The following ARHGAP15 variants were observed in gnomAD, a reference collection of about 807,000 sequenced individuals.
The protein encoded by ARHGAP15 is rho GTPase-activating protein 15.
Under a neutral mutation model 63.7 loss-of-function variants are expected in ARHGAP15, and 51 were observed. That is an observed-to-expected ratio of 0.80 (90% CI 0.64 to 1.01). The LOEUF (loss-of-function observed/expected upper bound fraction) is 1.01, where lower values mean the gene tolerates loss of function less well. Ranked by LOEUF, ARHGAP15 falls within the 50% of genes least tolerant of loss-of-function variation. The pLI is 0.00. For synonymous variants in ARHGAP15, 191 were observed against 193.8 expected (o/e 0.99, Z 0.12); for missense variants, 560 against 564.6 (o/e 0.99, Z 0.08).
At chr2:143,661,766 C>T (rs113968813) in intron 12 of ARHGAP15, among the ~76,000 whole-genome samples, 10 of 152,286 alleles carry the variant, frequency 6.6e-5, no homozygotes, top group South Asian at 2.1e-4. Context: ...ACTTGGGAAG[C>T]GCAAGGGGTC....
intron 8 of ARHGAP15, among the ~76,000 whole-genome samples, chr2:143,474,311 A>G (rs533035147): frequency 6.6e-6 from 1 of 152,098 alleles, no homozygotes; most frequent in East Asian, 1.9e-4. Flanking sequence ...ATCACCCCCC[A>G]CCCTTGAGGC....
chr2:143,255,873 G>A (rs1185169826), intron 6 of ARHGAP15, among the ~76,000 whole-genome samples: 1 of 152,142 alleles, frequency 6.6e-6, no homozygotes, highest in Non-Finnish European at 1.5e-5. Flanking sequence ...ACCAGAGTAA[G>A]AGAAACATTC....
intron 6 of ARHGAP15, among the ~76,000 whole-genome samples, chr2:143,346,212 A>T (rs4662200): frequency 5.2e-5 from 7 of 135,146 alleles, no homozygotes; most frequent in African/African-American, 8.3e-5. Flanking sequence ...TCACACACAC[A>T]CTCTCTCTCA....
At chr2:143,141,617 CGTT>C (rs1223103118) in intron 1 of ARHGAP15, among the ~76,000 whole-genome samples, 9 of 152,184 alleles carry the variant, frequency 5.9e-5, no homozygotes, top group African/African-American at 1.2e-4. Flanking sequence ...ATATCCTACT[CGTT>C]GTAACTAAGA....
At chr2:143,250,640 C>G in intron 6 of ARHGAP15, 40 bp downstream of exon 6, 2 of 1,533,374 alleles carry the variant, frequency 1.3e-6, no homozygotes, top group Non-Finnish European at 1.8e-6. Context: ...CCTATTCTCT[C>G]TAAATCTGAG....
chr2:143,171,056 C>G (rs1690758478), intron 2 of ARHGAP15, among the ~76,000 whole-genome samples: 1 of 151,786 alleles, frequency 6.6e-6, no homozygotes, highest in Non-Finnish European at 1.5e-5. Flanking sequence ...ACAGAGAGGG[C>G]AAAAACACAA....
intron 9 of ARHGAP15, among the ~76,000 whole-genome samples, chr2:143,514,360 A>C (rs1323921612): frequency 6.6e-6 from 1 of 152,200 alleles, no homozygotes; most frequent in African/African-American, 2.4e-5. Context: ...GGTGCCATAA[A>C]ATTTGGTAAG....
intron 11 of ARHGAP15, among the ~76,000 whole-genome samples, chr2:143,583,852 C>A (rs1480009719): frequency 6.6e-6 from 1 of 152,110 alleles, no homozygotes; most frequent in Non-Finnish European, 1.5e-5. Flanking sequence ...TGTCTACTAC[C>A]AATTTTTAGG....
chr2:143,195,897 T>C (rs1021687929), intron 2 of ARHGAP15, among the ~76,000 whole-genome samples: 10 of 152,146 alleles, frequency 6.6e-5, no homozygotes, highest in African/African-American at 2.4e-4. Context: ...GAAAATAATA[T>C]GCCCAAATTC....
chr2:143,301,659 T>TCCACAC (rs776217459), intron 6 of ARHGAP15, among the ~76,000 whole-genome samples: 35 of 152,012 alleles, frequency 2.3e-4, no homozygotes, highest in Non-Finnish European at 4.7e-4. Context: ...AAGAGTTTAA[T>TCCACAC]ATTTCAGTGA....
intron 9 of ARHGAP15, among the ~76,000 whole-genome samples, chr2:143,507,920 A>G (rs1693395825): frequency 6.6e-6 from 1 of 151,702 alleles, no homozygotes; most frequent in East Asian, 1.9e-4. Context: ...CTCTTCCTAT[A>G]TTTCACTACC....
rs10562854 is a variant in ARHGAP15, at chr2:143,309,866, T to TTGTGTGTGTGTGTG, written c.474+59282_474+59295dup. 1.2e-3 allele frequency among the ~76,000 whole-genome samples: 179 copies of TTGTGTGTGTGTGTG among 149,104 alleles called. 3 individuals carry two copies. Among genetic ancestry groups the TTGTGTGTGTGTGTG allele is most frequent in the African/African-American group, 4.2e-3 (169 of 40,588 alleles). ...TTGAGAAACACAGACATATATGAAC[T>TTGTGTGTGTGTGTG]TGTGTGTGTGTGTGTGTGTGTGTGT... On this transcript the variant is annotated intron_variant, in intron 6 of 13. Coordinates refer to ENST00000295095, the MANE Select transcript of ARHGAP15 (RefSeq NM_018460.4).
At chr2:143,567,127 G>A (rs1386915272) in intron 11 of ARHGAP15, among the ~76,000 whole-genome samples, 1 of 151,866 alleles carries the variant, frequency 6.6e-6, no homozygotes, top group African/African-American at 2.4e-5. Context: ...TGCCCCCCTC[G>A]GCCTCCCAAA....
intron 3 of ARHGAP15, among the ~76,000 whole-genome samples, chr2:143,210,130 G>A (rs779437961): frequency 6.6e-5 from 10 of 151,442 alleles, no homozygotes; most frequent in East Asian, 1.9e-4. Flanking sequence ...GGCAAAGAAC[G>A]AGGAACATAT....
chr2:143,637,028 G>C lies in ARHGAP15; in HGVS notation c.1138+12761G>C, dbSNP rs1215790699. Among the ~76,000 whole-genome samples, 4 of 152,158 alleles carry C rather than the reference G, an allele frequency of 2.6e-5. No individual in the cohort carries two copies. The East Asian group carries it at 7.8e-4, about 30-fold the overall frequency. ...TCAAATACAAGAAGGAGTGGGCTCT[G>C]ATCTTTCCCTCTTTCTGTAAGGGCA... On this transcript the variant is annotated intron_variant, in intron 12 of 13. Transcript: ENST00000295095.
intron 12 of ARHGAP15, among the ~76,000 whole-genome samples, chr2:143,699,372 C>T (rs1325198172): frequency 6.6e-6 from 1 of 152,130 alleles, no homozygotes. Flanking sequence ...GTACACTTCC[C>T]CATTTAGCAC....
In ARHGAP15 at chr2:143,690,568, A is replaced by AG. The variant is rs1331656362; in HGVS notation, c.1139-12850dup. Among the ~76,000 whole-genome samples, 8 of 152,220 alleles carry AG rather than the reference A, an allele frequency of 5.3e-5. No individual in the cohort carries two copies. In the East Asian group the frequency reaches 1.5e-3, roughly 29 times the overall value. ...CCTTTGAGCTTCTAAGAAGATGCTT[A>AG]GAGTTACAAAATGTAAATCAATCAT... On this transcript the variant is annotated intron_variant, in intron 12 of 13. Coordinates refer to ENST00000295095, the MANE Select transcript of ARHGAP15 (RefSeq NM_018460.4).
At chr2:143,422,470 TGGAA>T (rs915251245) in intron 6 of ARHGAP15, among the ~76,000 whole-genome samples, 1 of 152,094 alleles carries the variant, frequency 6.6e-6, no homozygotes, top group African/African-American at 2.4e-5. Flanking sequence ...CTGATAATAT[TGGAA>T]GGAAGTGTGT....
intron 6 of ARHGAP15, among the ~76,000 whole-genome samples, chr2:143,408,885 AAATT>A (rs953506577): frequency 2.6e-5 from 4 of 151,902 alleles, no homozygotes; most frequent in African/African-American, 9.7e-5. Flanking sequence ...ATGATAGCTT[AAATT>A]AATTCCCTTT....
Sources: allele counts gnomAD v4.1 joint callset (sites outside exome capture counted in the v4.1 genomes callset), GRCh38; gene constraint gnomAD v4.1.1; transcripts MANE v1.5; gene names NCBI Gene and HGNC (gene_info 2026-07-23, HGNC 2026-07-21).